PDE4B: variants seen among roughly 807,000 people sequenced by gnomAD.
PDE4B encodes 3',5'-cyclic-AMP phosphodiesterase 4B.
A neutral mutation model predicts 82.2 loss-of-function variants in PDE4B; 20 were observed. The ratio of observed to expected loss-of-function variants is 0.24; its 90% CI spans 0.17 to 0.35. The LOEUF (loss-of-function observed/expected upper bound fraction) is 0.35. Ranked by LOEUF, PDE4B falls within the 10% of genes least tolerant of loss-of-function variation. The pLI, the probability that PDE4B is intolerant of heterozygous loss-of-function variation, is 1.00. For synonymous variants in PDE4B, 320 were observed against 318.9 expected, an observed-to-expected ratio of 1.00 and a Z score of -0.04; for missense variants, 655 against 907.2, an observed-to-expected ratio of 0.72 and a Z score of 3.57.
intron 1 of PDE4B, among the ~76,000 whole-genome samples, chr1:65,906,195 A>G (rs541180336): frequency 2.1e-4 from 32 of 152,294 alleles, no homozygotes; most frequent in African/African-American, 7.0e-4. Flanking sequence ...CAAATATTAA[A>G]TGAATTGAAT....
chr1:66,328,484 T>C (rs1311571952), intron 7 of PDE4B, among the ~76,000 whole-genome samples: 4 of 152,232 alleles, frequency 2.6e-5, no homozygotes. Flanking sequence ...CAGGGCCCTA[T>C]GCTCAGAAGG....
intron 3 of PDE4B, among the ~76,000 whole-genome samples, chr1:66,132,148 A>T (rs1362007275): frequency 6.6e-6 from 1 of 152,152 alleles, no homozygotes; most frequent in Non-Finnish European, 1.5e-5. Context: ...GAATGACATG[A>T]TCCTTTTTTT....
chr1:66,240,938 A>G (rs1431214934), intron 3 of PDE4B, among the ~76,000 whole-genome samples: 1 of 152,224 alleles, frequency 6.6e-6, no homozygotes, highest in African/African-American at 2.4e-5. Flanking sequence ...CAGAGCTGGA[A>G]GTAGAAGCCG....
chr1:66,184,518 A>T (rs1647139663), intron 3 of PDE4B, among the ~76,000 whole-genome samples: 1 of 152,284 alleles, frequency 6.6e-6, no homozygotes, highest in Admixed American at 6.5e-5. Flanking sequence ...AGTAACAGGT[A>T]GTTCTGGATG....
intron 7 of PDE4B, chr1:66,331,818 C>T: frequency 1.0e-6 from 1 of 985,150 alleles, no homozygotes; most frequent in Non-Finnish European, 1.2e-6. Context: ...CAGACAGCTT[C>T]TTTTAGACTG....
At chr1:66,085,629 T>G (rs1252681871) in intron 3 of PDE4B, among the ~76,000 whole-genome samples, 2 of 152,044 alleles carry the variant, frequency 1.3e-5, no homozygotes, top group Non-Finnish European at 2.9e-5. Context: ...AGGGCCCACA[T>G]GCAGCTAGGG....
chr1:66,342,426 G>T (rs1328244951), intron 8 of PDE4B, among the ~76,000 whole-genome samples: 5 of 151,836 alleles, frequency 3.3e-5, no homozygotes, highest in African/African-American at 1.2e-4. Context: ...AAGCTAAAAA[G>T]TGACTGGGCG....
intron 3 of PDE4B, among the ~76,000 whole-genome samples, chr1:65,946,372 G>A (rs1648713308): frequency 6.6e-6 from 1 of 151,870 alleles, no homozygotes; most frequent in Non-Finnish European, 1.5e-5. Flanking sequence ...ATACTGCCTT[G>A]GCTTGTAGCA....
intron 3 of PDE4B, among the ~76,000 whole-genome samples, chr1:65,947,479 T>A (rs137935610): frequency 1.2e-4 from 19 of 152,110 alleles, no homozygotes; most frequent in African/African-American, 4.1e-4. Context: ...CTGTTATGGG[T>A]TGAATTATAT....
chr1:66,164,242 AAGACCAGCAATC>A (rs1646674249), intron 3 of PDE4B, among the ~76,000 whole-genome samples: 1 of 152,126 alleles, frequency 6.6e-6, no homozygotes, highest in Non-Finnish European at 1.5e-5. Flanking sequence ...CTCTTATGAA[AAGACCAGCAATC>A]AGGCCGGGCA....
chr1:66,260,562 G>A (rs1654604387), intron 6 of PDE4B, among the ~76,000 whole-genome samples: 1 of 152,188 alleles, frequency 6.6e-6, no homozygotes, highest in Admixed American at 6.5e-5. Context: ...TCTTAAGCAT[G>A]GCTGGACTGA....
chr1:66,210,595 C>CAAAAAAAAAAAAA (rs35825766), intron 3 of PDE4B, among the ~76,000 whole-genome samples: 1 of 45,802 alleles, frequency 2.2e-5, no homozygotes, highest in Admixed American at 2.7e-4. Flanking sequence ...GACTCCATCT[C>CAAAAAAAAAAAAA]AAAAAAAAAA....
In PDE4B at chr1:66,183,466, C is replaced by T. The variant is rs145204984; in HGVS notation, c.282-63994C>T. ...GAGCAAAAGAATGTTCTCCTTTTCC[C>T]CTCCCCTCATTTAACACGAGCAATG... is the stretch of plus-strand genomic sequence containing the variant. On this transcript the variant is annotated intron_variant, in intron 3 of 16. Coordinates refer to ENST00000341517, the MANE Select transcript of PDE4B (RefSeq NM_002600.4). Among the ~76,000 whole-genome samples the T allele has an allele frequency of 2.0e-5, 3 of 152,210 alleles. No individual in the cohort carries two copies. The East Asian group carries it at 5.8e-4, about 29-fold the overall frequency.
intron 7 of PDE4B, among the ~76,000 whole-genome samples, chr1:66,296,573 T>A (rs1244691462): frequency 6.6e-6 from 1 of 152,132 alleles, no homozygotes; most frequent in Non-Finnish European, 1.5e-5. Flanking sequence ...AAATCTCAGG[T>A]TCCTCATTTG....
chr1:66,247,632 A>T lies in PDE4B; in HGVS notation c.454A>T (p.Asn152Tyr). The T allele has an allele frequency of 6.3e-7, 1 of 1,593,440 alleles. No individual in the cohort carries two copies. The highest frequency in any genetic ancestry group is 1.1e-5 in the South Asian group (1 of 88,420). ...YDLSPKAMSR[N>Y]SSLPSEQHGD... ...CTTGTCACCAAAGGCGATGTCGAGAAACTCTTCTCTTCCAAGCGAGCAGTA... is the reference window on the plus strand; with the variant it reads ...CTTGTCACCAAAGGCGATGTCGAGATACTCTTCTCTTCCAAGCGAGCAGTA... The change falls in exon 4 of 17, where the codon AAC (asparagine) becomes TAC (tyrosine). Residue 152 changes from asparagine to tyrosine, a missense_variant. By Grantham distance (143) the Asn-to-Tyr change is moderately radical. Coordinates refer to ENST00000341517, the MANE Select transcript of PDE4B (RefSeq NM_002600.4).
chr1:66,315,384 G>A (rs1658955549), intron 7 of PDE4B, among the ~76,000 whole-genome samples: 2 of 152,118 alleles, frequency 1.3e-5, no homozygotes, highest in African/African-American at 2.4e-5. Flanking sequence ...AATTACTGTA[G>A]GTTAATGCAT....
Position 65,943,016 on chromosome 1 carries a change from A to G in PDE4B, c.281+24181A>G, listed in dbSNP as rs375485487. ...CTGTACAGAAGCTTTTCAGTTTGAT[A>G]TAATCCCAATTGTTTATTTTTGTTT... On this transcript the variant is annotated intron_variant, in intron 3 of 16. Transcript: ENST00000341517. 3.3e-5 allele frequency among the ~76,000 whole-genome samples: 5 copies of G among 152,006 alleles called. No individual in the cohort carries two copies. The East Asian group carries it at 7.7e-4, about 24-fold the overall frequency.
At chr1:66,220,200 A>G (rs905084052) in intron 3 of PDE4B, among the ~76,000 whole-genome samples, 12 of 152,170 alleles carry the variant, frequency 7.9e-5, no homozygotes, top group Non-Finnish European at 1.6e-4. Flanking sequence ...TTCACTTGCT[A>G]TTGGGAAGAA....
chr1:65,976,291 T>C (rs1402766731), intron 3 of PDE4B, among the ~76,000 whole-genome samples: 1 of 152,236 alleles, frequency 6.6e-6, no homozygotes, highest in East Asian at 1.9e-4. Context: ...ACGGTGCCTG[T>C]AGCCCCTTTG....
Sources: allele counts gnomAD v4.1 joint callset (sites outside exome capture counted in the v4.1 genomes callset), GRCh38; gene constraint gnomAD v4.1.1; transcripts MANE v1.5; gene names NCBI Gene and HGNC (gene_info 2026-07-23, HGNC 2026-07-21).